Variants in SGSM1 observed in about 807,000 individuals in gnomAD.
The protein encoded by SGSM1 is small G protein signaling modulator 1, also known as RUN and TBC1 domain containing 2.
Under a neutral mutation model 133.8 loss-of-function variants are expected in SGSM1, and 73 were observed. The ratio of observed to expected loss-of-function variants is 0.55; its 90% CI spans 0.45 to 0.66. The LOEUF is 0.66. Among genes scored for constraint, SGSM1 ranks in the 30% least tolerant of loss-of-function variants. The pLI is 0.00. For missense variants in SGSM1, 1,213 were observed against 1,448.1 expected, an observed-to-expected ratio of 0.84 and a Z score of 2.64; for synonymous variants, 563 against 573.0, an observed-to-expected ratio of 0.98 and a Z score of 0.25.
At chr22:24,872,139 C>G (rs957807060) in intron 12 of SGSM1, among the ~76,000 whole-genome samples, 2 of 152,134 alleles carry the variant, frequency 1.3e-5, no homozygotes, top group Admixed American at 6.5e-5. Flanking sequence ...AGGCTTTTAA[C>G]AGAAGAAATT....
At chr22:24,845,245 T>C (rs1444714045) in intron 3 of SGSM1, among the ~76,000 whole-genome samples, 1 of 152,158 alleles carries the variant, frequency 6.6e-6, no homozygotes, top group Non-Finnish European at 1.5e-5. Flanking sequence ...ACACACAGTC[T>C]TGCATCTGAG....
intron 4 of SGSM1, 71 bp downstream of exon 4, chr22:24,847,867 G>A: frequency 6.5e-7 from 1 of 1,547,944 alleles, no homozygotes. Flanking sequence ...TGGGTCCTGA[G>A]AGAGCCTGCA....
rs371314526 is a variant in SGSM1 at position 24,859,849 on chromosome 22, C to T, written c.926+9C>T. On this transcript the variant is annotated intron_variant, in intron 9 of 24. Coordinates refer to ENST00000400358, the MANE Select transcript of SGSM1 (RefSeq NM_001098497.3). ...CTGGACTATGAGAAGAGGTAGGGCA[C>T]TGGGTCTGATACGTATCCCTTGGGT... The T allele has an allele frequency of 1.9e-6, 3 of 1,613,422 alleles. No individual in the cohort carries two copies. The African/African-American group carries it at 4.0e-5, about 22-fold the overall frequency.
At chr22:24,885,714 G>A (rs540274115) in intron 15 of SGSM1, among the ~76,000 whole-genome samples, 5 of 152,140 alleles carry the variant, frequency 3.3e-5, no homozygotes, top group Non-Finnish European at 7.4e-5. Context: ...GAGCCACTAC[G>A]CCCAGCTGAA....
rs117089483 is a variant in SGSM1 at position 24,904,222 on chromosome 22, C to T, written c.2736-883C>T. On this transcript the variant is annotated intron_variant, in intron 20 of 24. Transcript: ENST00000400358. Reference sequence around the variant, plus strand: ...CATTTAAAAAATGTGTACATTCAGGCTGGGTGCAATGGCTCATGCCTGTGA... The same window carrying T: ...CATTTAAAAAATGTGTACATTCAGGTTGGGTGCAATGGCTCATGCCTGTGA... Among the ~76,000 whole-genome samples, 84 of 152,178 alleles carry T rather than the reference C, an allele frequency of 5.5e-4. 2 individuals carry two copies. The East Asian group carries it at 0.014, about 25-fold the overall frequency.
At position 24,806,500 on chromosome 22, in the gene SGSM1, G is replaced by A; in HGVS notation, c.63+16G>A. 1 of 1,505,854 alleles carries A rather than the reference G, an allele frequency of 6.6e-7. No homozygotes were observed. Among genetic ancestry groups the A allele is most frequent in the Non-Finnish European group, 8.9e-7 (1 of 1,127,834 alleles). 93.3% of individuals were successfully genotyped at this position (1,505,854 alleles called of 1,614,324 possible). On this transcript the variant is annotated intron_variant, in intron 2 of 24. Transcript: ENST00000400358. Reference sequence around the variant, plus strand: ...CAAGAAGGAGGTGGGTGCCGGGGTGGGGGCACTGGGCAGGACTCCCCCGGC... The same window carrying A: ...CAAGAAGGAGGTGGGTGCCGGGGTGAGGGCACTGGGCAGGACTCCCCCGGC...
intron 9 of SGSM1, among the ~76,000 whole-genome samples, chr22:24,862,798 G>T (rs1267970484): frequency 6.6e-6 from 1 of 152,200 alleles, no homozygotes; most frequent in East Asian, 1.9e-4. Flanking sequence ...ACCTTGCTGG[G>T]TGACCTGGGG....
chr22:24,883,365 C>T (rs1320144609), intron 14 of SGSM1, among the ~76,000 whole-genome samples: 4 of 152,150 alleles, frequency 2.6e-5, no homozygotes, highest in East Asian at 1.9e-4. Flanking sequence ...GAGTTGTCCA[C>T]GTTTCACATT....
intron 9 of SGSM1, among the ~76,000 whole-genome samples, chr22:24,861,803 G>A (rs1384948646): frequency 6.0e-5 from 9 of 150,534 alleles, no homozygotes; most frequent in African/African-American, 1.5e-4. Context: ...CATCTCGGCC[G>A]CCTCTCAAGG....
chr22:24,850,086 C>A (rs558211606), intron 4 of SGSM1, among the ~76,000 whole-genome samples, 194 bp from the exon 5 acceptor site: 35 of 152,244 alleles, frequency 2.3e-4, no homozygotes, highest in African/African-American at 7.9e-4. Context: ...TCTTGTTTAA[C>A]CACATCTGCA....
chr22:24,912,121 C>T (rs1411475457), intron 21 of SGSM1, among the ~76,000 whole-genome samples: 7 of 150,338 alleles, frequency 4.7e-5, no homozygotes, highest in Non-Finnish European at 3.0e-5. Flanking sequence ...TGAGAAACTG[C>T]GACAGCCAAG....
intron 2 of SGSM1, chr22:24,843,870 T>G (rs1279656422): frequency 6.6e-6 from 1 of 152,186 alleles, no homozygotes; most frequent in Non-Finnish European, 1.5e-5. Context: ...AGCTGGAACC[T>G]GTCTCTGATA....
At chr22:24,840,360 T>C (rs149096723) in intron 2 of SGSM1, among the ~76,000 whole-genome samples, 76 of 152,318 alleles carry the variant, frequency 5.0e-4, no homozygotes, top group African/African-American at 1.8e-3. Context: ...TGTATTTATT[T>C]TGAGAGGCAG....
chr22:24,914,140 A>G (rs951518174), intron 22 of SGSM1, among the ~76,000 whole-genome samples: 3 of 152,044 alleles, frequency 2.0e-5, no homozygotes, highest in African/African-American at 7.2e-5. Context: ...AAAATACAAA[A>G]AAATTAGCCA....
At chr22:24,880,322 A>T (rs1173577232) in intron 14 of SGSM1, among the ~76,000 whole-genome samples, 12 of 151,974 alleles carry the variant, frequency 7.9e-5, no homozygotes, top group Admixed American at 7.9e-4. Flanking sequence ...TTTAATAGAG[A>T]CGGGTTTCAC....
rs903694765 is a variant in SGSM1 at position 24,879,584 on chromosome 22, G to A, written c.1495+58G>A. 8 of 1,519,808 alleles carry A rather than the reference G, an allele frequency of 5.3e-6. No homozygotes were observed. In the Admixed American group the frequency reaches 5.5e-5, roughly 10 times the overall value. 94.1% of individuals were successfully genotyped at this position (1,519,808 alleles called of 1,614,324 possible). ...CGTGGAGCAGCTATTGGTGCCTGCT[G>A]TATGCCAGCAATATCAAAAGATACT... On this transcript the variant is annotated intron_variant, in intron 14 of 24. Transcript: ENST00000400358.
Position 24,917,738 on chromosome 22 carries a change from G to A in SGSM1, c.3009G>A (p.Leu1003=). 6.2e-7 allele frequency: 1 copy of A among 1,613,794 alleles called. No homozygotes were observed. The highest frequency in any genetic ancestry group is 8.5e-7 in the Non-Finnish European group (1 of 1,179,848). Reference sequence around the variant, plus strand: ...TCTACTTCTGCTACCGCTGGTTCCTGCTGGATTTCAAGCGAGGTACAGACT... The same window carrying A: ...TCTACTTCTGCTACCGCTGGTTCCTACTGGATTTCAAGCGAGGTACAGACT... The part of the protein sequence containing the change: ...THFYFCYRWF[L]LDFKRELVYD... Residue 1003 remains leucine, a synonymous_variant, in exon 23 of 25, where the codon CTG becomes CTA. Transcript: ENST00000400358.
chr22:24,881,476 G>T (rs1299660155), intron 14 of SGSM1, among the ~76,000 whole-genome samples: 3 of 151,608 alleles, frequency 2.0e-5, no homozygotes, highest in African/African-American at 7.3e-5. Context: ...TGAGGCAGGA[G>T]AATGGCATAA....
chr22:24,916,407 T>C (rs1174352820), intron 22 of SGSM1, among the ~76,000 whole-genome samples: 2 of 152,090 alleles, frequency 1.3e-5, no homozygotes, highest in East Asian at 3.8e-4. Context: ...AAAACTTAGT[T>C]CGAGGCCAGG....
Sources: allele counts gnomAD v4.1 joint callset (sites outside exome capture counted in the v4.1 genomes callset), GRCh38; gene constraint gnomAD v4.1.1; transcripts MANE v1.5; gene names NCBI Gene and HGNC (gene_info 2026-07-23, HGNC 2026-07-21).